Variants in PUDP observed in about 807,000 individuals in gnomAD.
PUDP encodes pseudouridine-5'-phosphatase.
PUDP carries 8 observed loss-of-function variants against 9.4 expected under a neutral mutation model. The ratio of observed to expected loss-of-function variants is 0.85; its 90% confidence interval spans 0.50 to 1.53. The LOEUF is 1.53. Ranked by LOEUF, PUDP falls within the 40% of genes most tolerant of loss-of-function variation. The pLI is 0.00. For synonymous variants in PUDP, 99 were observed against 80.7 expected (o/e 1.23, Z -1.22); for missense variants, 188 against 189.7 (o/e 0.99, Z 0.05).
chrX:6,848,996 A>G (rs1484509646), intron 3 of PUDP, among the ~76,000 whole-genome samples: 1 of 112,453 alleles, frequency 8.9e-6, no homozygotes, highest in Admixed American at 9.4e-5. Context: ...CCTAACTCTC[A>G]GATCCCTTCG....
At chrX:6,878,483 G>A (rs1340711278) in intron 3 of PUDP, among the ~76,000 whole-genome samples, 1 of 109,984 alleles carries the variant, frequency 9.1e-6, no homozygotes, top group Non-Finnish European at 1.9e-5. Context: ...AGCCTCTTGA[G>A]TAGCTGGGAT....
chrX:7,061,491 T>A (rs1324960859), intron 3 of PUDP, among the ~76,000 whole-genome samples: 1 of 109,910 alleles, frequency 9.1e-6, no homozygotes, highest in Admixed American at 9.7e-5. Context: ...CAAGGAAGGG[T>A]CCCACTGACC....
In PUDP at chrX:7,133,019, A is replaced by G. The variant is rs779463592; in HGVS notation, c.61+15034T>C. On this transcript the variant is annotated intron_variant, in intron 1 of 3. Coordinates refer to ENST00000381077, the MANE Select transcript of PUDP (RefSeq NM_012080.5). ...ACACAGAAGTGGCTTTGAAATATTT[A>G]TAAATCAGGAGGTGCCTGGAAGGTG... Among the ~76,000 whole-genome samples, 3 of 112,227 alleles carry G rather than the reference A, an allele frequency of 2.7e-5. No individual in the cohort carries two copies. The South Asian group carries it at 1.1e-3, about 42-fold the overall frequency.
intron 3 of PUDP, among the ~76,000 whole-genome samples, chrX:6,854,007 GC>G (rs1451305484): frequency 1.8e-5 from 2 of 111,293 alleles, no homozygotes; most frequent in Admixed American, 1.9e-4. Flanking sequence ...CAAGTGATCT[GC>G]CCATCTCAGC....
rs747776028 is a variant in PUDP, at chrX:7,016,733, T to C, written c.205-38390A>G. Among the ~76,000 whole-genome samples the C allele has an allele frequency of 8.2e-4, 91 of 110,438 alleles. 2 individuals are homozygous for C. Among genetic ancestry groups the C allele is most frequent in the African/African-American group, 3.0e-3 (90 of 30,236 alleles). On this transcript the variant is annotated intron_variant and NMD_transcript_variant, in intron 1 of 3. Coordinates refer to the PUDP transcript ENST00000655425. ...GCTCATGGAGCACTGGAAGGAAGTA[T>C]CTTTTTGGGTGCTGGACAGTGGGGA...
In PUDP at chrX:6,876,159, G is replaced by A. The variant is rs149683627; in HGVS notation, c.*247+100974C>T. ...TTTTGAGTGCCCATACAACCATTCT[G>A]TTTTTCACTTTTAATACAATATTCA... On this transcript the variant is annotated intron_variant and NMD_transcript_variant, in intron 3 of 3. Transcript: ENST00000655425. Among the ~76,000 whole-genome samples, 166 of 111,549 alleles carry A rather than the reference G, an allele frequency of 1.5e-3. 1 individual carries two copies. The highest frequency in any genetic ancestry group is 2.9e-3 in the Non-Finnish European group (154 of 53,080).
intron 3 of PUDP, among the ~76,000 whole-genome samples, chrX:7,059,832 T>C (rs1184173827): frequency 8.9e-6 from 1 of 112,221 alleles, no homozygotes; most frequent in Non-Finnish European, 1.9e-5. Context: ...TATCACAGCA[T>C]AAAGAGAGTG....
At chrX:6,743,631 G>T (rs190409622) in intron 3 of PUDP, among the ~76,000 whole-genome samples, 1 of 111,724 alleles carries the variant, frequency 9.0e-6, no homozygotes, top group Non-Finnish European at 1.9e-5. Flanking sequence ...GGTCAGCATC[G>T]CAATAGTTTG....
intron 3 of PUDP, among the ~76,000 whole-genome samples, chrX:6,806,365 C>A (rs1290207671): frequency 2.7e-5 from 3 of 112,046 alleles, no homozygotes; most frequent in Non-Finnish European, 5.6e-5. Context: ...TCTTCTCTGT[C>A]ACCTAGGCTG....
intron 3 of PUDP, among the ~76,000 whole-genome samples, chrX:6,809,947 G>A (rs1926115326): frequency 9.0e-6 from 1 of 110,748 alleles, no homozygotes; most frequent in South Asian, 3.9e-4. Context: ...GAGTTTGCTG[G>A]CATGCACCTG....
rs759495935 is a variant in PUDP at position 6,743,238 on chromosome X, C to T, written c.*248-36772G>A. Among the ~76,000 whole-genome samples the T allele has an allele frequency of 3.6e-5, 4 of 112,331 alleles. No homozygotes were observed. The East Asian group carries it at 8.3e-4, about 23-fold the overall frequency. ...TCATTATTGCATGGTTCCCATAAGA[C>T]GTGGTTGTCTGAGGGCAGCCCCACC... is the stretch of plus-strand genomic sequence containing the variant. On this transcript the variant is annotated intron_variant and NMD_transcript_variant, in intron 3 of 3. Coordinates refer to the PUDP transcript ENST00000655425.
At chrX:7,041,867 C>CTT (rs4011478) in intron 1 of PUDP, among the ~76,000 whole-genome samples, 3 of 98,622 alleles carry the variant, frequency 3.0e-5, no homozygotes, top group Non-Finnish European at 6.1e-5. Context: ...CTCTCTCTCT[C>CTT]TTTTTTTTTT....
chrX:6,793,277 G>A (rs1340494677), intron 3 of PUDP, among the ~76,000 whole-genome samples: 1 of 111,823 alleles, frequency 8.9e-6, no homozygotes, highest in East Asian at 2.8e-4. Flanking sequence ...CATCGCAGAT[G>A]GGACAGGATG....
chrX:6,724,546 C>CCAA (rs1416655549), upstream of PUDP, among the ~76,000 whole-genome samples: 3 of 102,608 alleles, frequency 2.9e-5, no homozygotes, highest in Non-Finnish European at 6.0e-5. Flanking sequence ...GGTGGGGGAA[C>CCAA]CAACAAAAGT....
chrX:7,017,328 G>C (rs1200158100), intron 1 of PUDP, among the ~76,000 whole-genome samples: 1 of 111,895 alleles, frequency 8.9e-6, no homozygotes, highest in Non-Finnish European at 1.9e-5. Context: ...TTGCTTTAAA[G>C]GCTGTTATGA....
At chrX:7,006,702 T>C (rs1035464913) in intron 1 of PUDP, among the ~76,000 whole-genome samples, 4 of 111,126 alleles carry the variant, frequency 3.6e-5, no homozygotes, top group African/African-American at 1.3e-4. Context: ...AAATTCAATG[T>C]GAATTTCATC....
chrX:7,056,445 T>C (rs1569147518), intron 3 of PUDP, among the ~76,000 whole-genome samples: 1 of 112,226 alleles, frequency 8.9e-6, no homozygotes. Context: ...CATCTCTGTG[T>C]CAGGACATGC....
chrX:6,786,902 A>G (rs1283973790), intron 3 of PUDP, among the ~76,000 whole-genome samples: 1 of 110,916 alleles, frequency 9.0e-6, no homozygotes, highest in Non-Finnish European at 1.9e-5. Flanking sequence ...TTTTTTCAAT[A>G]TTTTCCTCTT....
chrX:6,714,309 A>AG (rs1924569805), intron 1 of PUDP, among the ~76,000 whole-genome samples: 1 of 112,174 alleles, frequency 8.9e-6, no homozygotes, highest in Admixed American at 9.5e-5. Flanking sequence ...AAATTGAGGT[A>AG]GGGAGATAAA....
Sources: allele counts gnomAD v4.1 joint callset (sites outside exome capture counted in the v4.1 genomes callset), GRCh38; gene constraint gnomAD v4.1.1; transcripts MANE v1.5; gene names NCBI Gene and HGNC (gene_info 2026-07-23, HGNC 2026-07-21).